Variants in IGSF5 observed in about 807,000 individuals in gnomAD.
The protein encoded by IGSF5 is immunoglobulin superfamily member 5.
A neutral mutation model predicts 39.4 loss-of-function variants in IGSF5; 41 were observed. That is an observed-to-expected ratio of 1.04 (90% confidence interval 0.81 to 1.35). The LOEUF is 1.35. Ranked by LOEUF, IGSF5 falls within the 40% of genes most tolerant of loss-of-function variation. The pLI is 0.00. For missense variants in IGSF5, 487 were observed against 494.6 expected (o/e 0.98, Z 0.15); for synonymous variants, 183 against 175.3 (o/e 1.04, Z -0.34).
intron 8 of IGSF5, among the ~76,000 whole-genome samples, chr21:39,794,607 A>T (rs1185884907): frequency 6.6e-6 from 1 of 152,186 alleles, no homozygotes; most frequent in Non-Finnish European, 1.5e-5. Context: ...CCCTTTTCTG[A>T]CCTGTACAAA....
chr21:39,718,915 T>C, the IGSF5 span, among the ~76,000 whole-genome samples: 1 of 152,202 alleles, frequency 6.6e-6, no homozygotes, highest in African/African-American at 2.4e-5. Context: ...ATAGTTTCTG[T>C]AGGAGTGGTA....
the IGSF5 span, among the ~76,000 whole-genome samples, chr21:39,716,566 T>G: frequency 6.6e-6 from 1 of 152,340 alleles, no homozygotes; most frequent in South Asian, 2.1e-4. Flanking sequence ...TTCTTATCAT[T>G]TAGCTCCCGC....
Position 39,800,866 on chromosome 21 carries a change from C to A in IGSF5, c.1129-396C>A, listed in dbSNP as rs531177148. ...GACAGGTGGGTGATCTATCTGGAGT[C>A]AGTTCTTCAATTTTGTCCCCCTGTT... is the stretch of plus-strand genomic sequence containing the variant. On this transcript the variant is annotated intron_variant, in intron 8 of 8. Transcript: ENST00000380588. Among the ~76,000 whole-genome samples, 22 of 152,336 alleles carry A rather than the reference C, an allele frequency of 1.4e-4. No homozygotes were observed. In the South Asian group the frequency reaches 3.1e-3, roughly 22 times the overall value.
rs200941561 is a variant in IGSF5, at chr21:39,779,207, C to T, written c.836C>T (p.Pro279Leu). ...LGLAGTMLLT[P>L]TCTLTIRCCC... ...CTAGCAGGCACCATGCTTCTGACGC[C>T]GACGTGTACTCTTACAATACGCTGC... is the stretch of plus-strand genomic sequence containing the variant. Residue 279 changes from proline to leucine, a missense_variant, in exon 5 of 9, where the codon CCG becomes CTG. Transcript: ENST00000380588. 1.1e-5 allele frequency: 18 copies of T among 1,614,042 alleles called. No homozygotes were observed. The highest frequency in any genetic ancestry group is 1.7e-4 in the Middle Eastern group (1 of 6,056).
chr21:39,744,787 A>G (rs144566021), upstream of IGSF5, among the ~76,000 whole-genome samples: 8 of 152,360 alleles, frequency 5.3e-5, no homozygotes, highest in Non-Finnish European at 1.0e-4. Context: ...GTGTGCTCAC[A>G]GCGAAGTTTC....
chr21:39,797,526 AT>A (rs928376562), intron 8 of IGSF5, among the ~76,000 whole-genome samples: 7 of 151,720 alleles, frequency 4.6e-5, no homozygotes, highest in Non-Finnish European at 7.4e-5. Flanking sequence ...GCCTTTAAAA[AT>A]TTTTTTTGAG....
chr21:39,731,451 C>T, the IGSF5 span, among the ~76,000 whole-genome samples: 6 of 152,106 alleles, frequency 3.9e-5, no homozygotes, highest in Non-Finnish European at 5.9e-5. Context: ...GGGAATGCTG[C>T]GCTATTACTC....
intron 5 of IGSF5, among the ~76,000 whole-genome samples, chr21:39,780,120 C>T (rs2080163003): frequency 6.6e-6 from 1 of 152,134 alleles, no homozygotes; most frequent in Non-Finnish European, 1.5e-5. Flanking sequence ...TTAATCATTT[C>T]ACAATATGTA....
At position 39,779,208 on chromosome 21, in the gene IGSF5, G is replaced by A. The variant is rs200284688; in HGVS notation, c.837G>A (p.Pro279=). The A allele has an allele frequency of 5.2e-5, 84 of 1,614,094 alleles. No individual in the cohort carries two copies. In the East Asian group the frequency reaches 5.6e-4, roughly 11 times the overall value. The change falls in exon 5 of 9, where the codon CCG becomes CCA. Residue 279 remains proline, a synonymous_variant. Coordinates refer to ENST00000380588, the MANE Select transcript of IGSF5 (RefSeq NM_001080444.2). ...TAGCAGGCACCATGCTTCTGACGCC[G>A]ACGTGTACTCTTACAATACGCTGCT... ...LGLAGTMLLT[P]TCTLTIRCCC... is the part of the protein sequence containing the mutation.
the IGSF5 span, among the ~76,000 whole-genome samples, chr21:39,721,673 C>CCTTT: frequency 7.1e-6 from 1 of 140,832 alleles, no homozygotes; most frequent in Non-Finnish European, 1.5e-5. Context: ...GGCCATCTGT[C>CCTTT]CCTTCCTTCC....
At chr21:39,724,015 A>G in the IGSF5 span, among the ~76,000 whole-genome samples, 1 of 151,896 alleles carries the variant, frequency 6.6e-6, no homozygotes, top group African/African-American at 2.4e-5. Flanking sequence ...GTGGTGAGAC[A>G]AGATTGCGCC....
rs754494989 is a variant in IGSF5, at chr21:39,801,284, G to A, written c.1151G>A (p.Arg384Lys). ...PHQRADQRPP[R>K]PASHPQASFN... ...CAGCGGGCTGATCAACGTCCACCCAGGCCAGCAAGTCATCCACAGGCTTCT... is the reference window on the plus strand; with the variant it reads ...CAGCGGGCTGATCAACGTCCACCCAAGCCAGCAAGTCATCCACAGGCTTCT... The change falls in exon 9 of 9, where the codon AGG (arginine) becomes AAG (lysine). Residue 384 changes from arginine (R) to lysine (K), a missense_variant. Coordinates refer to ENST00000380588, the MANE Select transcript of IGSF5 (RefSeq NM_001080444.2). 1 of 1,614,082 alleles carries A rather than the reference G, an allele frequency of 6.2e-7. No homozygotes were observed.
Position 39,765,721 on chromosome 21 carries a change from A to G in IGSF5, c.287A>G (p.Gln96Arg). 4 of 1,614,132 alleles carry G rather than the reference A, an allele frequency of 2.5e-6. No homozygotes were observed. Among genetic ancestry groups the G allele is most frequent in the Non-Finnish European group, 3.4e-6 (4 of 1,180,024 alleles). The change falls in exon 3 of 9, where the codon CAG (glutamine) becomes CGG (arginine). Residue 96 changes from glutamine to arginine, a missense_variant. Transcript: ENST00000380588. ...PIITNDRFTSQRYDQGGNFTS... is the reference protein window; with the variant it reads ...PIITNDRFTSRRYDQGGNFTS... ...ATCACCAATGACCGCTTCACCTCTC[A>G]GAGGTACGACCAGGGCGGGAACTTC...
At position 39,801,630 on chromosome 21, in the gene IGSF5, A is replaced by G; in HGVS notation, c.*273A>G. 3.2e-6 allele frequency: 1 copy of G among 316,176 alleles called. No individual in the cohort carries two copies. The highest frequency in any genetic ancestry group is 5.3e-5 in the East Asian group (1 of 18,800). The allele number at this position is 316,176 out of a possible 1,614,324, so 19.6% of individuals were successfully genotyped here. On this transcript the variant is annotated 3_prime_UTR_variant, in exon 9 of 9. Transcript: ENST00000380588. ...CTGCAAATTCATCATAATTTTTCTC[A>G]ACATTCAACACTCCTACTTGTTAAT...
At chr21:39,740,535 G>A (rs1278099930), upstream of IGSF5, among the ~76,000 whole-genome samples, 3 of 152,086 alleles carry the variant, frequency 2.0e-5, no homozygotes, top group Non-Finnish European at 2.9e-5. Context: ...TTTGCCAGCT[G>A]AGCACTAGTT....
chr21:39,762,499 G>A (rs1434147067), intron 2 of IGSF5, among the ~76,000 whole-genome samples: 3 of 152,162 alleles, frequency 2.0e-5, no homozygotes, highest in Admixed American at 6.5e-5. Context: ...CCAGGGTTCC[G>A]ATTATGCAGA....
At chr21:39,768,045 A>C (rs569658418) in intron 3 of IGSF5, among the ~76,000 whole-genome samples, 6 of 152,200 alleles carry the variant, frequency 3.9e-5, no homozygotes, top group African/African-American at 1.4e-4. Flanking sequence ...CAAGTCTACA[A>C]ATTTGTCTGA....
At chr21:39,758,118 C>A (rs1197553478) in intron 2 of IGSF5, among the ~76,000 whole-genome samples, 1 of 152,128 alleles carries the variant, frequency 6.6e-6, no homozygotes, top group Non-Finnish European at 1.5e-5. Flanking sequence ...TGCTGGTCGT[C>A]CTGGCACGTA....
chr21:39,750,629 T>G (rs1400098896), intron 2 of IGSF5, among the ~76,000 whole-genome samples: 1 of 144,818 alleles, frequency 6.9e-6, no homozygotes, highest in African/African-American at 2.9e-5. Flanking sequence ...TCCTAGCACT[T>G]GAGGGTGGGG....
Sources: allele counts gnomAD v4.1 joint callset (sites outside exome capture counted in the v4.1 genomes callset), GRCh38; gene constraint gnomAD v4.1.1; transcripts MANE v1.5; gene names NCBI Gene and HGNC (gene_info 2026-07-23, HGNC 2026-07-21).